Variants in RAB9A observed in about 807,000 individuals in gnomAD.
The protein encoded by RAB9A is RAB9A, member RAS oncogene family.
Under a neutral mutation model 10.3 loss-of-function variants are expected in RAB9A, and 1 was observed. The ratio of observed to expected loss-of-function variants is 0.10; its 90% CI spans 0.03 to 0.46. The LOEUF is 0.46. Ranked by LOEUF, RAB9A falls within the 20% of genes least tolerant of loss-of-function variation. The pLI is 0.96. For synonymous variants in RAB9A, 39 were observed against 55.2 expected (o/e 0.71, Z 1.30); for missense variants, 92 against 150.3 (o/e 0.61, Z 2.03).
At chrX:13,690,118 C>A (rs1398288702) in intron 1 of RAB9A, among the ~76,000 whole-genome samples, 2 of 111,215 alleles carry the variant, frequency 1.8e-5, no homozygotes, top group Non-Finnish European at 3.8e-5. Context: ...AATTTGATTG[C>A]TTCTTTAAAA....
At chrX:13,706,153 T>A (rs1428934965) in intron 2 of RAB9A, among the ~76,000 whole-genome samples, 1 of 112,118 alleles carries the variant, frequency 8.9e-6, no homozygotes, top group Admixed American at 9.5e-5. Context: ...CTTTTTAAGT[T>A]GTTGAAGCAA....
intron 2 of RAB9A, among the ~76,000 whole-genome samples, chrX:13,706,005 C>T (rs767967562): frequency 4.5e-5 from 5 of 111,718 alleles, no homozygotes; most frequent in Non-Finnish European, 9.4e-5. Flanking sequence ...AGAGCAGGGG[C>T]CAGGTGTCTT....
At chrX:13,700,787 T>C (rs925641288) in intron 1 of RAB9A, among the ~76,000 whole-genome samples, 6 of 111,118 alleles carry the variant, frequency 5.4e-5, no homozygotes, top group Non-Finnish European at 9.4e-5. Context: ...TTTTTTTTTT[T>C]CAAGGTAGGG....
chrX:13,704,841 A>G (rs1391474399), intron 2 of RAB9A, among the ~76,000 whole-genome samples: 1 of 111,274 alleles, frequency 9.0e-6, no homozygotes, highest in Non-Finnish European at 1.9e-5. Context: ...GCTGGTCTCG[A>G]ACTCCTGACC....
chrX:13,692,581 T>C (rs1348836889), intron 1 of RAB9A, among the ~76,000 whole-genome samples: 2 of 112,237 alleles, frequency 1.8e-5, no homozygotes, highest in African/African-American at 3.2e-5. Flanking sequence ...ATGATGAATT[T>C]TTTAATGGCT....
intron 1 of RAB9A, among the ~76,000 whole-genome samples, chrX:13,700,873 G>T (rs949592133): frequency 2.7e-5 from 3 of 110,987 alleles, no homozygotes; most frequent in African/African-American, 6.6e-5. Context: ...CCAGGCTCAG[G>T]TGATCTTTCT....
intron 2 of RAB9A, among the ~76,000 whole-genome samples, chrX:13,706,646 G>T (rs1204536816): frequency 2.8e-5 from 3 of 108,248 alleles, no homozygotes; most frequent in Non-Finnish European, 5.7e-5. Flanking sequence ...TGACCTGCCC[G>T]CCTCAGCCTC....
At chrX:13,702,699 TGGTG>T (rs984234363) in intron 1 of RAB9A, among the ~76,000 whole-genome samples, 1 of 111,660 alleles carries the variant, frequency 9.0e-6, no homozygotes, top group African/African-American at 3.3e-5. Flanking sequence ...CTGAGGGAGA[TGGTG>T]GGCAGAATCC....
At chrX:13,699,582 C>G (rs2046163791) in intron 1 of RAB9A, among the ~76,000 whole-genome samples, 1 of 112,075 alleles carries the variant, frequency 8.9e-6, no homozygotes, top group Admixed American at 9.4e-5. Flanking sequence ...ATGATGAGAG[C>G]AAAGAAAAGA....
At chrX:13,692,897 G>A (rs1270944096) in intron 1 of RAB9A, among the ~76,000 whole-genome samples, 1 of 112,437 alleles carries the variant, frequency 8.9e-6, no homozygotes, top group Non-Finnish European at 1.9e-5. Flanking sequence ...CTGCTGTGGG[G>A]TAGGGAGGAT....
intron 2 of RAB9A, 121 bp from the exon 3 acceptor site, chrX:13,708,600 C>A (rs769041453): frequency 1.0e-4 from 63 of 625,672 alleles, no homozygotes; most frequent in Non-Finnish European, 1.5e-4. Flanking sequence ...AACAACAAGT[C>A]TTATTATTAG....
At chrX:13,701,184 A>T (rs1602697967) in intron 1 of RAB9A, among the ~76,000 whole-genome samples, 1 of 107,326 alleles carries the variant, frequency 9.3e-6, no homozygotes, top group Non-Finnish European at 1.9e-5. Flanking sequence ...CCCCAAAAAA[A>T]CCCCATACCC....
At chrX:13,704,547 A>G (rs2046188882) in intron 2 of RAB9A, among the ~76,000 whole-genome samples, 1 of 111,225 alleles carries the variant, frequency 9.0e-6, no homozygotes, top group African/African-American at 3.3e-5. Context: ...TGATGCTTGA[A>G]TTGAACAATT....
At chrX:13,705,028 T>G (rs1471107360) in intron 2 of RAB9A, among the ~76,000 whole-genome samples, 2 of 112,492 alleles carry the variant, frequency 1.8e-5, no homozygotes, top group African/African-American at 6.5e-5. Flanking sequence ...AGACTTCACG[T>G]TACCTTTTTA....
intron 1 of RAB9A, among the ~76,000 whole-genome samples, chrX:13,696,338 C>G (rs2046147805): frequency 9.1e-6 from 1 of 110,159 alleles, no homozygotes; most frequent in Admixed American, 9.7e-5. Flanking sequence ...GGGAGGATCA[C>G]TTGAGCCCGG....
At chrX:13,693,348 T>C (rs1228491771) in intron 1 of RAB9A, among the ~76,000 whole-genome samples, 4 of 112,074 alleles carry the variant, frequency 3.6e-5, no homozygotes, top group Non-Finnish European at 7.5e-5. Context: ...TAAGGACTTT[T>C]TTGTAGAGGA....
At chrX:13,702,739 G>A (rs1195901166) in intron 1 of RAB9A, among the ~76,000 whole-genome samples, 1 of 111,739 alleles carries the variant, frequency 8.9e-6, no homozygotes, top group Admixed American at 9.5e-5. Context: ...GGTGTTCTTC[G>A]ATTTTTGGTT....
chrX:13,689,217 C>A lies in RAB9A; in HGVS notation c.-187C>A, dbSNP rs866050714. On this transcript the variant is annotated 5_prime_UTR_variant, in exon 1 of 3. Coordinates refer to ENST00000464506, the MANE Select transcript of RAB9A (RefSeq NM_004251.5). ...GCCTCCTGCTGTGCAGGTCCCCGACCCTCTCTCTGTCCTCATTGCGCCCAG... is the reference window on the plus strand; with the variant it reads ...GCCTCCTGCTGTGCAGGTCCCCGACACTCTCTCTGTCCTCATTGCGCCCAG... 1 of 113,394 alleles carries A rather than the reference C, an allele frequency of 8.8e-6. No individual in the cohort carries two copies. Among genetic ancestry groups the A allele is most frequent in the Non-Finnish European group, 1.9e-5 (1 of 53,339 alleles). 9.3% of individuals were successfully genotyped at this position (113,394 alleles called of 1,213,427 possible). A position where few individuals can be genotyped will look rare whatever the true frequency, so the allele number is the denominator to read the frequency against.
At chrX:13,692,791 C>A (rs1436182826) in intron 1 of RAB9A, among the ~76,000 whole-genome samples, 1 of 111,899 alleles carries the variant, frequency 8.9e-6, no homozygotes, top group African/African-American at 3.3e-5. Context: ...ATCAACATGG[C>A]ATCTTTTTGT....
Sources: allele counts gnomAD v4.1 joint callset (sites outside exome capture counted in the v4.1 genomes callset), GRCh38; gene constraint gnomAD v4.1.1; transcripts MANE v1.5; gene names NCBI Gene and HGNC (gene_info 2026-07-23, HGNC 2026-07-21).